Variants in NTM observed in about 807,000 individuals in gnomAD.
NTM encodes the protein neurotrimin.
NTM carries 13 observed loss-of-function variants against 42.1 expected under a neutral mutation model. The observed-to-expected ratio is 0.31, with a 90% CI of 0.20 to 0.49. The LOEUF (loss-of-function observed/expected upper bound fraction) is 0.49, where lower values mean the gene tolerates loss of function less well. NTM is among the 20% of genes least tolerant of loss of function. The probability of loss-of-function intolerance (pLI) is 0.99; values close to 1 mark genes in which losing one functional copy is unlikely to be tolerated. For synonymous variants in NTM, 187 were observed against 179.2 expected, an observed-to-expected ratio of 1.04 and a Z score of -0.35; for missense variants, 373 against 452.8, an observed-to-expected ratio of 0.82 and a Z score of 1.60.
chr11:131,622,907 C>T (rs946269791), intron 1 of NTM, among the ~76,000 whole-genome samples: 1 of 152,168 alleles, frequency 6.6e-6, no homozygotes, highest in Non-Finnish European at 1.5e-5. Context: ...CACTGGTTGC[C>T]TTCCGTCCAG....
At chr11:132,044,521 T>G (rs1262894402) in intron 2 of NTM, among the ~76,000 whole-genome samples, 1 of 152,262 alleles carries the variant, frequency 6.6e-6, no homozygotes, top group South Asian at 2.1e-4. Flanking sequence ...AGCACCTCTT[T>G]GTGGATCTTC....
intron 1 of NTM, among the ~76,000 whole-genome samples, chr11:131,745,614 A>C (rs1455727035): frequency 6.6e-5 from 10 of 152,162 alleles, no homozygotes; most frequent in Non-Finnish European, 1.5e-4. Flanking sequence ...GTCCTGACTC[A>C]TCACTTCCTG....
chr11:132,323,706 G>T (rs1205103004), intron 7 of NTM, among the ~76,000 whole-genome samples: 1 of 151,936 alleles, frequency 6.6e-6, no homozygotes, highest in Non-Finnish European at 1.5e-5. Flanking sequence ...TACCAAAGCT[G>T]GGCAGAGACA....
chr11:131,398,535 G>A (rs1279641082), intron 1 of NTM, among the ~76,000 whole-genome samples: 2 of 152,154 alleles, frequency 1.3e-5, no homozygotes, highest in Middle Eastern at 3.4e-3. Flanking sequence ...GTATTAGTGA[G>A]CATCGTTTTA....
chr11:131,738,988 T>G (rs964543844), intron 1 of NTM, among the ~76,000 whole-genome samples: 7 of 152,174 alleles, frequency 4.6e-5, no homozygotes, highest in African/African-American at 1.4e-4. Context: ...ATGTGGGCTT[T>G]GATCCCTGCA....
chr11:131,547,071 C>T (rs993801535), intron 1 of NTM, among the ~76,000 whole-genome samples: 3 of 152,024 alleles, frequency 2.0e-5, no homozygotes, highest in African/African-American at 7.3e-5. Context: ...GAACCAGATC[C>T]ATGCACATAT....
rs1197350872 is a variant in NTM at position 132,260,550 on chromosome 11, C to CA, written c.527-47132dup. 2.0e-5 allele frequency among the ~76,000 whole-genome samples: 3 copies of CA among 152,238 alleles called. 1 individual carries two copies. The highest frequency in any genetic ancestry group is 4.4e-5 in the Non-Finnish European group (3 of 68,016). On this transcript the variant is annotated intron_variant, in intron 4 of 8. Coordinates refer to ENST00000683400, the MANE Select transcript of NTM (RefSeq NM_001352005.2). ...ACCAAAAAATGAATTAAAAAGTCCA[C>CA]AAAAAAATTATTAATATGGCACTCA...
At chr11:132,316,171 CAGCCATTGGCTTTATCATGA>C (rs900211661) in intron 7 of NTM, among the ~76,000 whole-genome samples, 1 of 141,072 alleles carries the variant, frequency 7.1e-6, no homozygotes, top group Non-Finnish European at 1.5e-5. Flanking sequence ...TGAAATGGTT[CAGCCATTGGCTTTATCATGA>C]TTGTATACTT....
chr11:131,834,532 CCTT>C (rs2136585958), intron 1 of NTM, among the ~76,000 whole-genome samples: 1 of 151,256 alleles, frequency 6.6e-6, no homozygotes, highest in Admixed American at 6.6e-5. Context: ...ATCCCTGTCA[CCTT>C]CATCATCACC....
At chr11:132,223,994 G>A (rs2085679095) in intron 4 of NTM, among the ~76,000 whole-genome samples, 1 of 152,220 alleles carries the variant, frequency 6.6e-6, no homozygotes, top group South Asian at 2.1e-4. Flanking sequence ...CAAAGCCCTC[G>A]ATGAATCTTG....
chr11:131,950,948 G>T (rs2060915627), intron 2 of NTM, among the ~76,000 whole-genome samples: 1 of 152,106 alleles, frequency 6.6e-6, no homozygotes, highest in Non-Finnish European at 1.5e-5. Context: ...GTTGAAGTCA[G>T]GAATTATTCT....
intron 1 of NTM, among the ~76,000 whole-genome samples, chr11:131,630,452 G>C (rs371267382): frequency 4.8e-4 from 20 of 41,904 alleles, no homozygotes; most frequent in Middle Eastern, 9.3e-3. Flanking sequence ...TGTGTTCTCA[G>C]TGTTTCTTTT....
chr11:131,425,712 T>C (rs920888738), intron 1 of NTM, among the ~76,000 whole-genome samples: 1 of 152,142 alleles, frequency 6.6e-6, no homozygotes, highest in East Asian at 1.9e-4. Context: ...ATGCAGGAGC[T>C]AGGGAGGGGG....
chr11:132,291,125 T>C (rs1034529265), intron 4 of NTM, among the ~76,000 whole-genome samples: 2 of 152,290 alleles, frequency 1.3e-5, no homozygotes, highest in African/African-American at 4.8e-5. Flanking sequence ...AATATTATTA[T>C]TGAATAAAAA....
chr11:131,682,660 C>G (rs1280833452), intron 1 of NTM, among the ~76,000 whole-genome samples: 1 of 152,212 alleles, frequency 6.6e-6, no homozygotes, highest in Non-Finnish European at 1.5e-5. Context: ...AGAGCGGGTC[C>G]TTCCTTGTTA....
At chr11:131,937,124 A>G (rs1027385704) in intron 2 of NTM, among the ~76,000 whole-genome samples, 11 of 152,348 alleles carry the variant, frequency 7.2e-5, no homozygotes, top group African/African-American at 2.4e-4. Context: ...ATTGTGTATC[A>G]AAAACGTCTA....
chr11:131,690,664 C>A (rs530546941), intron 1 of NTM, among the ~76,000 whole-genome samples: 1 of 152,156 alleles, frequency 6.6e-6, no homozygotes, highest in Non-Finnish European at 1.5e-5. Flanking sequence ...GGCCTGAGTG[C>A]GGGAGAATGG....
intron 3 of NTM, among the ~76,000 whole-genome samples, chr11:132,188,146 A>G (rs1197950513): frequency 6.6e-6 from 1 of 152,144 alleles, no homozygotes; most frequent in Non-Finnish European, 1.5e-5. Context: ...TAGCATGAAG[A>G]TGCTACTGGC....
intron 2 of NTM, among the ~76,000 whole-genome samples, chr11:131,979,045 C>T (rs1323105474): frequency 6.6e-6 from 1 of 152,000 alleles, no homozygotes; most frequent in East Asian, 1.9e-4. Flanking sequence ...CTCTTGGGTA[C>T]ATACTTGGAA....
Sources: gnomAD v4.1 joint callset for allele counts (sites outside exome capture counted in the v4.1 genomes callset) on GRCh38, gnomAD v4.1.1 for gene constraint, MANE v1.5 for transcripts, NCBI Gene and HGNC (gene_info 2026-07-23, HGNC 2026-07-21) for gene names.